The following DPYD variants were observed in gnomAD, a reference collection of about 807,000 sequenced individuals.
The protein encoded by DPYD is dihydropyrimidine dehydrogenase.
Under a neutral mutation model 116.2 loss-of-function variants are expected in DPYD, and 109 were observed. The ratio of observed to expected loss-of-function variants is 0.94; its 90% confidence interval spans 0.80 to 1.10. The LOEUF (loss-of-function observed/expected upper bound fraction) is 1.10, where lower values mean the gene tolerates loss of function less well. Among genes scored for constraint, DPYD ranks in the 50% least tolerant of loss-of-function variants. DPYD has a pLI of 0.00. For synonymous variants in DPYD, 440 were observed against 432.0 expected, an observed-to-expected ratio of 1.02 and a Z score of -0.23; for missense variants, 1,302 against 1,254.5, an observed-to-expected ratio of 1.04 and a Z score of -0.57.
rs755155824 is a variant in DPYD at position 97,699,361 on chromosome 1, C to A, written c.670G>T (p.Gly224Cys). Residue 224 changes from glycine (G) to cysteine (C), a missense_variant, in exon 6 of 23, where the codon GGT becomes TGT. Transcript: ENST00000370192. ...AAATGTAGGCATTACCTTAAACCAC[C>A]AACATATTCTTGTTTTTCAAATATA... is the stretch of plus-strand genomic sequence containing the variant. Reference protein sequence around the residue: ...ITIFEKQEYVGGLSTSEIPQF... With the variant: ...ITIFEKQEYVCGLSTSEIPQF... The A allele has an allele frequency of 1.9e-6, 3 of 1,613,392 alleles. No homozygotes were observed. In the South Asian group the frequency reaches 3.3e-5, roughly 18 times the overall value.
intron 16 of DPYD, among the ~76,000 whole-genome samples, chr1:97,331,865 T>C (rs1484695374): frequency 1.3e-5 from 2 of 152,206 alleles, no homozygotes; most frequent in South Asian, 2.1e-4. Context: ...TTGGAAGCTA[T>C]ATATGTTCAG....
At chr1:97,527,329 G>A (rs1363713784) in intron 12 of DPYD, among the ~76,000 whole-genome samples, 1 of 152,004 alleles carries the variant, frequency 6.6e-6, no homozygotes, top group East Asian at 1.9e-4. Flanking sequence ...TGCCTGCCTT[G>A]GCCTCCCAAA....
intron 14 of DPYD, among the ~76,000 whole-genome samples, chr1:97,390,038 AC>A (rs1672607145): frequency 1.3e-5 from 2 of 152,114 alleles, no homozygotes; most frequent in African/African-American, 4.8e-5. Context: ...TAAAGTTTAC[AC>A]ATTAAAAATT....
chr1:97,118,252 C>G (rs1652137485), intron 20 of DPYD, among the ~76,000 whole-genome samples: 2 of 152,102 alleles, frequency 1.3e-5, no homozygotes, highest in Non-Finnish European at 2.9e-5. Flanking sequence ...CCAGGCGGGT[C>G]TTCCACCCAG....
At chr1:97,631,848 AT>A (rs1360762301) in intron 8 of DPYD, among the ~76,000 whole-genome samples, 1 of 152,090 alleles carries the variant, frequency 6.6e-6, no homozygotes, top group Non-Finnish European at 1.5e-5. Flanking sequence ...AAACAGATGC[AT>A]AAAAATAATA....
At chr1:97,115,214 A>G (rs1651879665) in intron 20 of DPYD, among the ~76,000 whole-genome samples, 1 of 152,196 alleles carries the variant, frequency 6.6e-6, no homozygotes, top group South Asian at 2.1e-4. Flanking sequence ...CAACACACAG[A>G]ATAAAGGGTG....
chr1:97,907,521 A>G (rs1344279481), intron 1 of DPYD, among the ~76,000 whole-genome samples: 1 of 152,128 alleles, frequency 6.6e-6, no homozygotes, highest in Non-Finnish European at 1.5e-5. Flanking sequence ...TGCCAGAACC[A>G]GGACTTTAAT....
chr1:97,241,460 C>T (rs1662336124), intron 18 of DPYD, among the ~76,000 whole-genome samples: 1 of 151,918 alleles, frequency 6.6e-6, no homozygotes, highest in Admixed American at 6.6e-5. Context: ...AATAACTTAT[C>T]CAGTGTCACG....
At chr1:97,901,279 T>G (rs1170436576) in intron 1 of DPYD, among the ~76,000 whole-genome samples, 1 of 151,900 alleles carries the variant, frequency 6.6e-6, no homozygotes, top group East Asian at 1.9e-4. Context: ...ATTAGTTTCA[T>G]TTTAATGTAG....
At chr1:97,477,821 C>T (rs1393294712) in intron 13 of DPYD, among the ~76,000 whole-genome samples, 3 of 151,822 alleles carry the variant, frequency 2.0e-5, no homozygotes, top group African/African-American at 7.3e-5. Context: ...GGGGTTTCAC[C>T]TTGTTAGCCA....
intron 5 of DPYD, among the ~76,000 whole-genome samples, chr1:97,712,545 T>C (rs1662348860): frequency 6.6e-6 from 1 of 152,136 alleles, no homozygotes; most frequent in African/African-American, 2.4e-5. Context: ...CTTTAAATTA[T>C]CACTAATAGA....
At chr1:97,134,882 C>T (rs1303195957) in intron 20 of DPYD, among the ~76,000 whole-genome samples, 1 of 152,038 alleles carries the variant, frequency 6.6e-6, no homozygotes, top group Non-Finnish European at 1.5e-5. Context: ...TTTGAAAGTA[C>T]CTCAGTGTTG....
intron 5 of DPYD, among the ~76,000 whole-genome samples, chr1:97,701,957 G>T (rs891646196): frequency 2.6e-5 from 4 of 151,466 alleles, no homozygotes; most frequent in Admixed American, 2.6e-4. Context: ...GTTTAAATTG[G>T]TAATAAAATA....
intron 10 of DPYD, among the ~76,000 whole-genome samples, chr1:97,592,285 T>C (rs768228557): frequency 2.0e-5 from 3 of 152,328 alleles, no homozygotes; most frequent in Non-Finnish European, 4.4e-5. Context: ...ATTTGAGAAG[T>C]GTGTAGTACA....
At chr1:97,478,001 T>C (rs949335922) in intron 13 of DPYD, among the ~76,000 whole-genome samples, 2 of 152,230 alleles carry the variant, frequency 1.3e-5, no homozygotes, top group Admixed American at 6.5e-5. Flanking sequence ...ATAGCAGTTA[T>C]AGCCTTAATG....
At chr1:97,459,706 A>G (rs969492777) in intron 13 of DPYD, among the ~76,000 whole-genome samples, 1 of 152,154 alleles carries the variant, frequency 6.6e-6, no homozygotes, top group African/African-American at 2.4e-5. Context: ...TTTCCAACAA[A>G]AGGAATTGTG....
At chr1:97,874,574 G>C (rs531465915) in intron 2 of DPYD, among the ~76,000 whole-genome samples, 2 of 152,030 alleles carry the variant, frequency 1.3e-5, no homozygotes, top group East Asian at 3.9e-4. Flanking sequence ...AAAATGATGT[G>C]ATTCAGACAC....
At chr1:97,403,778 T>C (rs756895528) in intron 14 of DPYD, among the ~76,000 whole-genome samples, 2 of 151,934 alleles carry the variant, frequency 1.3e-5, no homozygotes, top group African/African-American at 4.8e-5. Flanking sequence ...TCTATATTGA[T>C]TTTTTTTATT....
intron 20 of DPYD, among the ~76,000 whole-genome samples, chr1:97,141,423 C>T (rs116833987): frequency 0.012 from 1,786 of 152,144 alleles, 19 homozygotes; most frequent in Non-Finnish European, 0.02. Context: ...CTTTTTTACT[C>T]GCTATTCCTT....
Sources: allele counts gnomAD v4.1 joint callset (sites outside exome capture counted in the v4.1 genomes callset), GRCh38; gene constraint gnomAD v4.1.1; transcripts MANE v1.5; gene names NCBI Gene and HGNC (gene_info 2026-07-23, HGNC 2026-07-21).